Variants in MAL observed in about 807,000 individuals in gnomAD.
The protein encoded by MAL is mal, T cell differentiation protein (MAL blood group), also known as myelin and lymphocyte protein.
Under a neutral mutation model 16.7 loss-of-function variants are expected in MAL, and 5 were observed. That is an observed-to-expected ratio of 0.30 (90% CI 0.16 to 0.63). The LOEUF is 0.63. Ranked by LOEUF, MAL falls within the 30% of genes least tolerant of loss-of-function variation. MAL has a pLI of 0.82. For synonymous variants in MAL, 96 were observed against 85.5 expected (o/e 1.12, Z -0.67); for missense variants, 202 against 195.8 (o/e 1.03, Z -0.19).
At chr2:95,032,256 G>C (rs1674102358) in intron 1 of MAL, among the ~76,000 whole-genome samples, 1 of 152,238 alleles carries the variant, frequency 6.6e-6, no homozygotes, top group African/African-American at 2.4e-5. Context: ...AGAGCATATT[G>C]TGCTGCCAGC....
At chr2:95,036,103 G>A (rs72819440) in intron 1 of MAL, among the ~76,000 whole-genome samples, 2 of 152,328 alleles carry the variant, frequency 1.3e-5, no homozygotes, top group Non-Finnish European at 2.9e-5. Flanking sequence ...ATGATGGCAT[G>A]AGGGGTCCCT....
intron 1 of MAL, among the ~76,000 whole-genome samples, chr2:95,039,716 T>C (rs765047325): frequency 3.8e-5 from 3 of 78,950 alleles, no homozygotes; most frequent in Non-Finnish European, 7.4e-5. Flanking sequence ...GAGTGAGGAC[T>C]GAGTGAGTGA....
At chr2:95,050,856 AG>A (rs1288654647) in intron 3 of MAL, among the ~76,000 whole-genome samples, 3 of 152,212 alleles carry the variant, frequency 2.0e-5, no homozygotes, top group African/African-American at 4.8e-5. Flanking sequence ...CAGCACAGCC[AG>A]GGGGCATCTT....
At chr2:95,028,218 C>T (rs1487190249) in intron 1 of MAL, among the ~76,000 whole-genome samples, 2 of 149,920 alleles carry the variant, frequency 1.3e-5, no homozygotes, top group Non-Finnish European at 3.0e-5. Context: ...AGCTACTCAG[C>T]AGGCTAAGGC....
At chr2:95,049,110 G>A (rs1674655027) in intron 2 of MAL, among the ~76,000 whole-genome samples, 1 of 152,104 alleles carries the variant, frequency 6.6e-6, no homozygotes, top group Non-Finnish European at 1.5e-5. Flanking sequence ...GAGCCACCAC[G>A]CCCAGCCCTT....
At chr2:95,032,837 C>T (rs1256363007) in intron 1 of MAL, among the ~76,000 whole-genome samples, 1 of 152,212 alleles carries the variant, frequency 6.6e-6, no homozygotes, top group Non-Finnish European at 1.5e-5. Context: ...CAGCACTTCT[C>T]CCCAGGCTCT....
At chr2:95,034,001 G>A (rs1674147204) in intron 1 of MAL, among the ~76,000 whole-genome samples, 1 of 152,220 alleles carries the variant, frequency 6.6e-6, no homozygotes, top group Admixed American at 6.5e-5. Context: ...ATCAAGTGCT[G>A]TTATTATTAG....
At chr2:95,032,768 T>G (rs929302492) in intron 1 of MAL, among the ~76,000 whole-genome samples, 2 of 152,216 alleles carry the variant, frequency 1.3e-5, no homozygotes, top group Non-Finnish European at 2.9e-5. Context: ...TAGCTGGGCA[T>G]GAGCAGTGTA....
At chr2:95,033,245 G>A (rs1027819218) in intron 1 of MAL, among the ~76,000 whole-genome samples, 1 of 152,228 alleles carries the variant, frequency 6.6e-6, no homozygotes, top group Admixed American at 6.5e-5. Context: ...AGTGGGGCGG[G>A]TGGGGTCTGC....
At chr2:95,037,738 G>A (rs1460777537) in intron 1 of MAL, among the ~76,000 whole-genome samples, 4 of 151,804 alleles carry the variant, frequency 2.6e-5, no homozygotes, top group African/African-American at 7.3e-5. Flanking sequence ...GTGAGTGACT[G>A]AGTGGGTGAG....
At position 95,026,088 on chromosome 2, in the gene MAL, G is replaced by A. The variant is rs1673928736; in HGVS notation, c.93+203G>A. Among the ~76,000 whole-genome samples, 3 of 152,248 alleles carry A rather than the reference G, an allele frequency of 2.0e-5. No individual in the cohort carries two copies. The South Asian group carries it at 6.2e-4, about 32-fold the overall frequency. On this transcript the variant is annotated intron_variant, in intron 1 of 3. Coordinates refer to ENST00000309988, the MANE Select transcript of MAL (RefSeq NM_002371.4). ...CCCTTCTAGACCAACAGAATGAGGG[G>A]AACAGTCTACAGGACTATGGAGGAA... is the stretch of plus-strand genomic sequence containing the variant.
intron 3 of MAL, chr2:95,051,405 T>C (rs962940215): frequency 2.6e-5 from 4 of 152,040 alleles, no homozygotes; most frequent in African/African-American, 9.7e-5. Flanking sequence ...CTCCCAGAAA[T>C]CCCCTCAAGT....
At chr2:95,052,390 T>C (rs1308246111) in intron 3 of MAL, among the ~76,000 whole-genome samples, 3 of 152,298 alleles carry the variant, frequency 2.0e-5, no homozygotes, top group South Asian at 2.1e-4. Context: ...TGCCCACTGG[T>C]GTCTGACTGC....
At chr2:95,046,852 G>GGA (rs965038090) in intron 1 of MAL, among the ~76,000 whole-genome samples, 1 of 137,298 alleles carries the variant, frequency 7.3e-6, no homozygotes, top group Non-Finnish European at 1.6e-5. Context: ...AAAGAGAAAG[G>GGA]GAGAGAGAGA....
At chr2:95,048,275 C>T (rs1180070268) in intron 2 of MAL, 149 bp downstream of exon 2, 9 of 884,560 alleles carry the variant, frequency 1.0e-5, no homozygotes, top group Non-Finnish European at 1.4e-5. Context: ...GCCCAGGGCT[C>T]CTGGCAGCAG....
At chr2:95,047,095 T>G (rs1344644262) in intron 1 of MAL, among the ~76,000 whole-genome samples, 1 of 151,954 alleles carries the variant, frequency 6.6e-6, no homozygotes, top group Non-Finnish European at 1.5e-5. Context: ...GGTTAATTTG[T>G]TTTGCCAAAT....
At chr2:95,032,764 G>T (rs1674114662) in intron 1 of MAL, among the ~76,000 whole-genome samples, 1 of 152,098 alleles carries the variant, frequency 6.6e-6, no homozygotes, top group Non-Finnish European at 1.5e-5. Flanking sequence ...CTCCTAGCTG[G>T]GCATGAGCAG....
At position 95,039,105 on chromosome 2, in the gene MAL, T is replaced by TG. The variant is rs1220236521; in HGVS notation, c.94-8854_94-8853insG. Among the ~76,000 whole-genome samples the TG allele has an allele frequency of 7.2e-3, 749 of 103,756 alleles. 28 individuals are homozygous for TG. Among genetic ancestry groups the TG allele is most frequent in the Middle Eastern group, 0.013 (2 of 158 alleles). The allele number at this position is 103,756 out of a possible 152,430, so 68.1% of individuals were successfully genotyped here. ...TTGAGTGACTGAGTGAGTGAGTGAGTAAGTGTCTGAGTGACTGAGTGAGTG... is the reference window on the plus strand; with the variant it reads ...TTGAGTGACTGAGTGAGTGAGTGAGTGAAGTGTCTGAGTGACTGAGTGAGTG... On this transcript the variant is annotated intron_variant, in intron 1 of 3. Coordinates refer to ENST00000309988, the MANE Select transcript of MAL (RefSeq NM_002371.4).
intron 3 of MAL, among the ~76,000 whole-genome samples, chr2:95,052,096 GA>G (rs1573303964): frequency 1.3e-5 from 2 of 152,212 alleles, no homozygotes; most frequent in Non-Finnish European, 1.5e-5. Flanking sequence ...TTGCCAAAGG[GA>G]CCCCAGGGAT....
Sources: allele counts gnomAD v4.1 joint callset (sites outside exome capture counted in the v4.1 genomes callset), GRCh38; gene constraint gnomAD v4.1.1; transcripts MANE v1.5; gene names NCBI Gene and HGNC (gene_info 2026-07-23, HGNC 2026-07-21).